The following FEZ1 variants were observed in gnomAD, a reference collection of about 807,000 sequenced individuals.
FEZ1 encodes fasciculation and elongation protein zeta 1, also known as fasciculation and elongation protein zeta-1.
A neutral mutation model predicts 49.3 loss-of-function variants in FEZ1; 20 were observed. That is an observed-to-expected ratio of 0.41 (90% CI 0.29 to 0.59). The LOEUF (loss-of-function observed/expected upper bound fraction) is 0.59. Ranked by LOEUF, FEZ1 falls within the 20% of genes least tolerant of loss-of-function variation. The probability of loss-of-function intolerance (pLI) is 0.36; values close to 1 mark genes in which losing one functional copy is unlikely to be tolerated. For synonymous variants in FEZ1, 170 were observed against 180.9 expected, an observed-to-expected ratio of 0.94 and a Z score of 0.48; for missense variants, 413 against 476.0, an observed-to-expected ratio of 0.87 and a Z score of 1.23.
intron 4 of FEZ1, among the ~76,000 whole-genome samples, chr11:125,462,451 T>G (rs968351225): frequency 6.6e-6 from 1 of 152,212 alleles, no homozygotes; most frequent in Admixed American, 6.5e-5. Flanking sequence ...AAAATATCCA[T>G]CACACAAAAG....
rs78951881 is a variant in FEZ1 at position 125,444,832 on chromosome 11, C to T, written c.*1263G>A. Among the ~76,000 whole-genome samples the T allele has an allele frequency of 9.6e-3, 1,458 of 152,354 alleles. 14 individuals are homozygous for T. Among genetic ancestry groups the T allele is most frequent in the Admixed American group, 0.02 (306 of 15,306 alleles). On this transcript the variant is annotated 3_prime_UTR_variant, in exon 10 of 10. Transcript: ENST00000278919. ...CAGCCTTGGGCGAGCTACTGAACAT[C>T]TCTGCTGCTTGGTTTCCTCCTCTGC...
chr11:125,489,703 C>CTCCTCCGGG lies in FEZ1; in HGVS notation c.66_74dup (p.Asp22_Glu24dup). The CTCCTCCGGG allele has an allele frequency of 2.5e-6, 4 of 1,612,492 alleles. No individual in the cohort carries two copies. The highest frequency in any genetic ancestry group is 1.7e-6 in the Non-Finnish European group (2 of 1,179,134). On this transcript the variant is annotated inframe_insertion, in exon 2 of 10. Coordinates refer to ENST00000278919, the MANE Select transcript of FEZ1 (RefSeq NM_005103.5). This position sits in a 1 kb window ranked among gnomAD's most constrained non-coding sequence, Gnocchi z 4.2. ...ATGAACCATAGAAACACTGGGGCTT[C>CTCCTCCGGG]TCCTCCGGGTCCTCCGAGCAGGAGG...
chr11:125,454,325 G>T, intron 6 of FEZ1, 115 bp from the exon 7 acceptor site: 1 of 677,556 alleles, frequency 1.5e-6, no homozygotes, highest in Non-Finnish European at 2.5e-6. Flanking sequence ...TCTGTGACTA[G>T]ACAGTAAGTG....
intron 3 of FEZ1, among the ~76,000 whole-genome samples, chr11:125,464,906 G>A (rs534868340): frequency 1.3e-5 from 2 of 152,230 alleles, no homozygotes; most frequent in East Asian, 1.9e-4. Context: ...CGATAGCCTC[G>A]TGGTTTCCAC....
chr11:125,463,237 C>A, intron 4 of FEZ1: 1 of 234,380 alleles, frequency 4.3e-6, no homozygotes, highest in South Asian at 8.7e-5. Context: ...ATCCGGGAGG[C>A]AGAGGTTGCA....
chr11:125,460,626 T>A lies in FEZ1; in HGVS notation c.539A>T (p.Asp180Val), dbSNP rs779385669. The A allele has an allele frequency of 5.0e-6, 8 of 1,613,924 alleles. No homozygotes were observed. The highest frequency in any genetic ancestry group is 1.7e-4 in the Middle Eastern group (1 of 6,038). ...CAGAACCTCCTCTTCTTCCTCAGGG[T>A]CTGGGGAGTTCTGCATCATTTCCTC... ...EIEEMMQNSP[D>V]PEEEEEVLEE... Residue 180 changes from aspartate (D) to valine (V), a missense_variant, in exon 5 of 10, where the codon GAC becomes GTC. Coordinates refer to ENST00000278919, the MANE Select transcript of FEZ1 (RefSeq NM_005103.5).
rs563444518 is a variant in FEZ1 at position 125,451,771 on chromosome 11, T to C, written c.1096+563A>G. 2.6e-5 allele frequency among the ~76,000 whole-genome samples: 4 copies of C among 152,352 alleles called. No homozygotes were observed. In the South Asian group the frequency reaches 6.2e-4, roughly 24 times the overall value. On this transcript the variant is annotated intron_variant, in intron 8 of 9. Coordinates refer to ENST00000278919, the MANE Select transcript of FEZ1 (RefSeq NM_005103.5). ...GCTCTTTGTTACACACTGTTTTCCC[T>C]CATAGTTCAGAATGTTTATTAATAT... is the stretch of plus-strand genomic sequence containing the variant.
chr11:125,457,464 A>ATATATGTG (rs1491137202), intron 5 of FEZ1, among the ~76,000 whole-genome samples: 10,464 of 58,470 alleles, frequency 0.18, 693 homozygotes, highest in East Asian at 0.32. Flanking sequence ...ATATATACAC[A>ATATATGTG]TATATATGTA....
chr11:125,454,477 T>C, intron 6 of FEZ1: 1 of 330,564 alleles, frequency 3.0e-6, no homozygotes, highest in Admixed American at 4.9e-5. Flanking sequence ...CCTTTTATCC[T>C]CCATCATGCA....
chr11:125,488,908 A>G (rs1957354262), intron 2 of FEZ1: 1 of 985,402 alleles, frequency 1.0e-6, no homozygotes, highest in Non-Finnish European at 1.2e-6. Flanking sequence ...CTGCATACTC[A>G]AAGGCCACAT....
chr11:125,476,782 T>C (rs1299236863), intron 3 of FEZ1, among the ~76,000 whole-genome samples: 1 of 152,182 alleles, frequency 6.6e-6, no homozygotes, highest in Non-Finnish European at 1.5e-5. Flanking sequence ...GAATGCTAAA[T>C]AATAATATTC....
intron 3 of FEZ1, among the ~76,000 whole-genome samples, chr11:125,465,483 C>G (rs1471503338): frequency 6.6e-6 from 1 of 152,120 alleles, no homozygotes; most frequent in Non-Finnish European, 1.5e-5. Flanking sequence ...CTCTCCCCTC[C>G]CCCTCTCAGG....
At chr11:125,471,423 G>A (rs1203237455) in intron 3 of FEZ1, among the ~76,000 whole-genome samples, 1 of 110,050 alleles carries the variant, frequency 9.1e-6, no homozygotes, top group East Asian at 3.0e-4. Flanking sequence ...TAAAAGGATT[G>A]AGATAGATAC....
chr11:125,456,392 G>T (rs1421393920), intron 5 of FEZ1: 3 of 377,404 alleles, frequency 7.9e-6, no homozygotes, highest in Admixed American at 4.2e-5. Flanking sequence ...GGGATGGTTT[G>T]TTCCTTCTAT....
At chr11:125,454,069 C>T (rs11220082) in intron 7 of FEZ1, 61 bp downstream of exon 7, 616,404 of 1,180,098 alleles carry the variant, frequency 0.52, 164,741 homozygotes, top group South Asian at 0.66. Flanking sequence ...CCCTGCGTTG[C>T]TGGGGAGGCC....
intron 3 of FEZ1, among the ~76,000 whole-genome samples, chr11:125,474,007 C>T (rs544947749): frequency 9.9e-5 from 15 of 151,210 alleles, no homozygotes; most frequent in Admixed American, 4.0e-4. Flanking sequence ...TAAATTGGAC[C>T]TCATCACATT....
chr11:125,445,347 C>G lies in FEZ1; in HGVS notation c.*748G>C, dbSNP rs929374541. Among the ~76,000 whole-genome samples, 1 of 152,220 alleles carries G rather than the reference C, an allele frequency of 6.6e-6. No individual in the cohort carries two copies. The highest frequency in any genetic ancestry group is 2.4e-5 in the African/African-American group (1 of 41,458). ...CCCTGAGCCTCCAGGTCCCCGTGGA[C>G]AGCCTGGGGAGGGTCTCCAGGGCCA... On this transcript the variant is annotated 3_prime_UTR_variant, in exon 10 of 10. Transcript: ENST00000278919. The surrounding 1 kb of genome is among the most constrained non-coding windows in gnomAD (Gnocchi z 4.4).
intron 1 of FEZ1, among the ~76,000 whole-genome samples, chr11:125,493,417 A>AAAGAAG (rs1957411038): frequency 3.9e-5 from 2 of 51,478 alleles, no homozygotes; most frequent in African/African-American, 8.1e-5. Flanking sequence ...AAAGAAAGAA[A>AAAGAAG]GAAAGAAGGA....
intron 3 of FEZ1, chr11:125,469,167 A>T (rs1957161255): frequency 6.6e-6 from 1 of 152,312 alleles, no homozygotes; most frequent in Admixed American, 6.5e-5. Flanking sequence ...CTACAAATAC[A>T]TGCCAACTGT....
Sources: allele counts gnomAD v4.1 joint callset (sites outside exome capture counted in the v4.1 genomes callset), GRCh38; gene constraint gnomAD v4.1.1; non-coding constraint Gnocchi (gnomAD v3.1); transcripts MANE v1.5; gene names NCBI Gene and HGNC (gene_info 2026-07-23, HGNC 2026-07-21).